Variants in DBR1 observed in about 807,000 individuals in gnomAD.
The protein encoded by DBR1 is lariat debranching enzyme.
Under a neutral mutation model 45.9 loss-of-function variants are expected in DBR1, and 33 were observed. That is an observed-to-expected ratio of 0.72 (90% CI 0.55 to 0.96). DBR1 has a LOEUF of 0.96. DBR1 is among the 40% of genes least tolerant of loss of function. The pLI, the probability that DBR1 is intolerant of heterozygous loss-of-function variation, is 0.00. For missense variants in DBR1, 619 were observed against 667.4 expected, an observed-to-expected ratio of 0.93 and a Z score of 0.80; for synonymous variants, 235 against 235.9, an observed-to-expected ratio of 1.00 and a Z score of 0.04.
chr3:138,171,102 G>T (rs1165584718), intron 3 of DBR1, among the ~76,000 whole-genome samples: 1 of 152,072 alleles, frequency 6.6e-6, no homozygotes, highest in African/African-American at 2.4e-5. Context: ...AGAAGGGAAC[G>T]GGATTGAGGA....
intron 4 of DBR1, among the ~76,000 whole-genome samples, chr3:138,168,211 A>G (rs1352536149): frequency 2.6e-5 from 4 of 152,152 alleles, no homozygotes; most frequent in Admixed American, 2.6e-4. Context: ...TACTTGAAAA[A>G]TGAAATTAAA....
chr3:138,165,939 T>C (rs2042928701), intron 5 of DBR1, among the ~76,000 whole-genome samples: 1 of 152,164 alleles, frequency 6.6e-6, no homozygotes, highest in African/African-American at 2.4e-5. Flanking sequence ...CCAGTGAAAC[T>C]GGGAAGTGAG....
At chr3:138,174,564 C>CA in intron 1 of DBR1, 35 bp downstream of exon 1, 12 of 1,524,302 alleles carry the variant, frequency 7.9e-6, no homozygotes, top group African/African-American at 1.4e-5. Flanking sequence ...GTCCCACCCC[C>CA]CCACCGCCAA....
rs561977755 is a variant in DBR1 at position 138,162,114 on chromosome 3, G to A, written c.1410C>T (p.Ile470=). 3 of 1,614,174 alleles carry A rather than the reference G, an allele frequency of 1.9e-6. No individual in the cohort carries two copies. The highest frequency in any genetic ancestry group is 2.2e-5 in the East Asian group (1 of 44,878). Residue 470 remains isoleucine (I), a synonymous_variant, in exon 8 of 8, where the codon ATC becomes ATT. Coordinates refer to ENST00000260803, the MANE Select transcript of DBR1 (RefSeq NM_016216.4). ...EFSASFSDVR[I]LPGSMIVSSD... ...AAGATACAATCATAGAGCCTGGCAA[G>A]ATCCTGACATCAGAGAAACTTGCAG...
chr3:138,163,414 C>G lies in DBR1; in HGVS notation c.876G>C (p.Thr292=), dbSNP rs771973492. 2.4e-5 allele frequency: 39 copies of G among 1,613,650 alleles called. No homozygotes were observed. In the Admixed American group the frequency reaches 6.3e-4, roughly 26 times the overall value. The change falls in exon 7 of 8, where the codon ACG becomes ACC. Residue 292 remains threonine, a synonymous_variant. Coordinates refer to ENST00000260803, the MANE Select transcript of DBR1 (RefSeq NM_016216.4). The part of the protein sequence containing the change: ...DIEWLTILRA[T]DDLINVTGRL... ...GCCCAGTCACATTAATAAGATCATC[C>G]GTAGCCCTGAGAATAGTGAGCCATT... is the stretch of plus-strand genomic sequence containing the variant.
At chr3:138,165,388 A>G (rs2042925373) in intron 5 of DBR1, among the ~76,000 whole-genome samples, 1 of 152,218 alleles carries the variant, frequency 6.6e-6, no homozygotes, top group Non-Finnish European at 1.5e-5. Flanking sequence ...TTCAGATTCT[A>G]GAGCATTTCA....
intron 4 of DBR1, among the ~76,000 whole-genome samples, chr3:138,168,190 T>C (rs1376052450): frequency 1.3e-5 from 2 of 152,116 alleles, no homozygotes; most frequent in East Asian, 3.9e-4. Context: ...CTTCAAGTAA[T>C]CTGAAACGAA....
At chr3:138,166,447 C>T (rs2042930796) in intron 5 of DBR1, among the ~76,000 whole-genome samples, 1 of 152,162 alleles carries the variant, frequency 6.6e-6, no homozygotes, top group African/African-American at 2.4e-5. Flanking sequence ...TCTCTGTATT[C>T]TCTCTTTGCC....
rs751651792 is a variant in DBR1 at position 138,162,231 on chromosome 3, T to C, written c.1293A>G (p.Leu431=). 1 of 1,614,216 alleles carries C rather than the reference T, an allele frequency of 6.2e-7. No individual in the cohort carries two copies. The change falls in exon 8 of 8, where the codon TTA becomes TTG. Residue 431 remains leucine (L), a synonymous_variant. Coordinates refer to ENST00000260803, the MANE Select transcript of DBR1 (RefSeq NM_016216.4). ...LSSINPDEIM[L]DEEEDEDSIV... is the part of the protein sequence containing the mutation. ...TACTATCTTCATCTTCTTCTTCATC[T>C]AACATTATTTCATCTGGATTAATAG...
At position 138,167,168 on chromosome 3, in the gene DBR1, A is replaced by T; in HGVS notation, c.627T>A (p.Ala209=). ...TGAGATGCTCTAAAAGCTCTGAGGC[A>T]GCTGGACTTCCTAATGTGTTATTTT... ...EVENNTLGSP[A]ASELLEHLKP... is the part of the protein sequence containing the mutation. Residue 209 remains alanine (A), a synonymous_variant, in exon 5 of 8, where the codon GCT becomes GCA. Coordinates refer to ENST00000260803, the MANE Select transcript of DBR1 (RefSeq NM_016216.4). 6.2e-7 allele frequency: 1 copy of T among 1,614,204 alleles called. No homozygotes were observed. The highest frequency in any genetic ancestry group is 8.5e-7 in the Non-Finnish European group (1 of 1,180,032).
intron 4 of DBR1, among the ~76,000 whole-genome samples, chr3:138,168,737 G>A (rs940045030): frequency 1.3e-5 from 2 of 151,898 alleles, no homozygotes; most frequent in African/African-American, 4.8e-5. Flanking sequence ...CAGAAGGATC[G>A]CTTGAGTTCA....
Position 138,161,618 on chromosome 3 carries a change from G to A in DBR1, c.*271C>T, listed in dbSNP as rs1225199791. ...CCCAGCACTTTAGAAGGCCAAGACA[G>A]GTGGATCGCCTGAGGTCAGGAGTTG... On this transcript the variant is annotated 3_prime_UTR_variant, in exon 8 of 8. Coordinates refer to ENST00000260803, the MANE Select transcript of DBR1 (RefSeq NM_016216.4). 4 of 358,748 alleles carry A rather than the reference G, an allele frequency of 1.1e-5. No individual in the cohort carries two copies. The highest frequency in any genetic ancestry group is 4.0e-5 in the Admixed American group (1 of 25,088). The allele number at this position is 358,748 out of a possible 1,614,324, so 22.2% of individuals were successfully genotyped here.
intron 5 of DBR1, among the ~76,000 whole-genome samples, chr3:138,165,874 G>C (rs1312424518): frequency 6.6e-6 from 1 of 152,168 alleles, no homozygotes; most frequent in African/African-American, 2.4e-5. Flanking sequence ...ATTACAAAGA[G>C]GTCAAACATA....
At position 138,163,490 on chromosome 3, in the gene DBR1, A is replaced by G; in HGVS notation, c.800T>C (p.Leu267Ser). ...AGCACTGGGGTCATGTTCTATCTCTAATATCTACAGGATGAAATCAATGTT... is the reference window on the plus strand; with the variant it reads ...AGCACTGGGGTCATGTTCTATCTCTGATATCTACAGGATGAAATCAATGTT... ...CLPHRDFLQILEIEHDPSAPD... is the reference protein window; with the variant it reads ...CLPHRDFLQISEIEHDPSAPD... The change falls in exon 7 of 8, where the codon TTA becomes TCA. Residue 267 changes from leucine to serine, a missense_variant. Around this residue, in one of 3 missense-constraint regions of DBR1, gnomAD observed 430 missense variants for 447.7 expected, o/e 0.96. Coordinates refer to ENST00000260803, the MANE Select transcript of DBR1 (RefSeq NM_016216.4). 1 of 1,589,102 alleles carries G rather than the reference A, an allele frequency of 6.3e-7. No individual in the cohort carries two copies. The highest frequency in any genetic ancestry group is 8.6e-7 in the Non-Finnish European group (1 of 1,160,680).
intron 5 of DBR1, among the ~76,000 whole-genome samples, chr3:138,165,615 G>A (rs2042926517): frequency 6.6e-6 from 1 of 152,104 alleles, no homozygotes; most frequent in African/African-American, 2.4e-5. Context: ...TGTAGTCCCA[G>A]CTACTCTGGA....
At chr3:138,165,415 T>C (rs1451928736) in intron 5 of DBR1, among the ~76,000 whole-genome samples, 1 of 152,178 alleles carries the variant, frequency 6.6e-6, no homozygotes, top group African/African-American at 2.4e-5. Context: ...AGATTAGAGA[T>C]GCTCAATCTG....
At position 138,173,530 on chromosome 3, in the gene DBR1, G is replaced by A. The variant is rs2042964537; in HGVS notation, c.294C>T (p.Gly98=). 6.2e-7 allele frequency: 1 copy of A among 1,613,796 alleles called. No homozygotes were observed. Among genetic ancestry groups the A allele is most frequent in the African/African-American group, 1.3e-5 (1 of 74,876 alleles). The change falls in exon 2 of 8, where the codon GGC becomes GGT. Residue 98 remains glycine (G), a synonymous_variant. Coordinates refer to ENST00000260803, the MANE Select transcript of DBR1 (RefSeq NM_016216.4). Reference sequence around the variant, plus strand: ...AATAATAAATGTTTGGTGCCACCCAGCCACCATAGGGTAACTCTTGCAAAT... The same window carrying A: ...AATAATAAATGTTTGGTGCCACCCAACCACCATAGGGTAACTCTTGCAAAT... ...SNHLQELPYG[G]WVAPNIYYLG... is the part of the protein sequence containing the mutation.
At chr3:138,165,525 C>T (rs965013269) in intron 5 of DBR1, among the ~76,000 whole-genome samples, 6 of 151,674 alleles carry the variant, frequency 4.0e-5, no homozygotes, top group Non-Finnish European at 5.9e-5. Flanking sequence ...ATCAGGAGAT[C>T]GAGACCATCC....
In DBR1 at chr3:138,161,736, C is replaced by T. The variant is rs1245326491; in HGVS notation, c.*153G>A. On this transcript the variant is annotated 3_prime_UTR_variant, in exon 8 of 8. Coordinates refer to ENST00000260803, the MANE Select transcript of DBR1 (RefSeq NM_016216.4). The stretch of plus-strand genomic sequence containing the variant: ...TGGCGGGCACCTGTAGTCCCACCTA[C>T]TTGGGAGGCTGAGGCAGGAGAATTG... The T allele has an allele frequency of 1.6e-6, 1 of 632,442 alleles. No homozygotes were observed. The highest frequency in any genetic ancestry group is 2.8e-6 in the Non-Finnish European group (1 of 360,208). 39.2% of individuals were successfully genotyped at this position (632,442 alleles called of 1,614,324 possible). A position where few individuals can be genotyped will look rare whatever the true frequency, so the allele number is the denominator to read the frequency against.
Sources: allele counts gnomAD v4.1 joint callset (sites outside exome capture counted in the v4.1 genomes callset), GRCh38; gene constraint gnomAD v4.1.1; regional missense constraint gnomAD v4.1.1; transcripts MANE v1.5; gene names NCBI Gene and HGNC (gene_info 2026-07-23, HGNC 2026-07-21).